The following SGCZ variants were observed in gnomAD, a reference collection of about 807,000 sequenced individuals.
SGCZ encodes the protein sarcoglycan zeta, also known as zeta-sarcoglycan.
SGCZ carries 40 observed loss-of-function variants against 41.3 expected under a neutral mutation model. The observed-to-expected ratio is 0.97, with a 90% CI of 0.75 to 1.26. SGCZ has a LOEUF of 1.26. SGCZ is among the 50% of genes most tolerant of loss of function. The pLI is 0.00. For missense variants in SGCZ, 552 were observed against 369.8 expected, an observed-to-expected ratio of 1.49 and a Z score of -4.04; for synonymous variants, 206 against 137.5, an observed-to-expected ratio of 1.50 and a Z score of -3.49.
At chr8:15,179,523 A>G (rs1800101118) in intron 1 of SGCZ, among the ~76,000 whole-genome samples, 1 of 152,222 alleles carries the variant, frequency 6.6e-6, no homozygotes. Context: ...AACCAAAAAT[A>G]ACAAGTAATT....
intron 1 of SGCZ, among the ~76,000 whole-genome samples, chr8:14,949,987 A>C (rs1024074125): frequency 1.3e-5 from 2 of 152,136 alleles, no homozygotes; most frequent in Non-Finnish European, 2.9e-5. Flanking sequence ...TAATAAAAAC[A>C]CCAGGTCATT....
At chr8:14,898,138 A>G (rs1805269036) in intron 1 of SGCZ, among the ~76,000 whole-genome samples, 1 of 151,420 alleles carries the variant, frequency 6.6e-6, no homozygotes, top group African/African-American at 2.4e-5. Flanking sequence ...TTTTGCAGAG[A>G]CAGGTCTCAT....
intron 1 of SGCZ, among the ~76,000 whole-genome samples, chr8:15,189,336 C>A (rs113941451): frequency 5.3e-5 from 8 of 152,128 alleles, no homozygotes; most frequent in African/African-American, 1.7e-4. Context: ...TGTACAAAAG[C>A]AAACATACGT....
rs548771296 is a variant in SGCZ at position 14,128,128 on chromosome 8, C to G, written c.548-19893G>C. ...TTGTGGAGAAAAAAATGCTTATACA[C>G]TGCTGGTGGGAGTGTAAACTATTTC... On this transcript the variant is annotated intron_variant, in intron 5 of 7. Coordinates refer to ENST00000382080, the MANE Select transcript of SGCZ (RefSeq NM_139167.4). 6.6e-5 allele frequency among the ~76,000 whole-genome samples: 10 copies of G among 152,256 alleles called. No individual in the cohort carries two copies. The South Asian group carries it at 2.1e-3, about 32-fold the overall frequency.
rs1799306217 is a variant in SGCZ at position 14,912,532 on chromosome 8, G to A, written c.39+325053C>T. ...TAAAGAAATTGTGTACATCAAATTAGGACAACATAAGATGGAATATAGTAG... is the reference window on the plus strand; with the variant it reads ...TAAAGAAATTGTGTACATCAAATTAAGACAACATAAGATGGAATATAGTAG... On this transcript the variant is annotated intron_variant, in intron 1 of 7. Coordinates refer to ENST00000382080, the MANE Select transcript of SGCZ (RefSeq NM_139167.4). 2.0e-5 allele frequency among the ~76,000 whole-genome samples: 3 copies of A among 152,040 alleles called. No homozygotes were observed. The South Asian group carries it at 6.2e-4, about 32-fold the overall frequency.
At chr8:14,710,388 A>C (rs1273937890) in intron 1 of SGCZ, among the ~76,000 whole-genome samples, 10 of 151,312 alleles carry the variant, frequency 6.6e-5, no homozygotes, top group Admixed American at 6.6e-4. Context: ...AAAAAAAAAA[A>C]AAAGAATAAA....
intron 1 of SGCZ, among the ~76,000 whole-genome samples, chr8:15,053,724 T>C (rs920181099): frequency 1.4e-4 from 22 of 152,208 alleles, no homozygotes; most frequent in African/African-American, 5.3e-4. Context: ...ACAGATGCTG[T>C]GCTGACACAT....
At chr8:14,361,158 A>G (rs1277280531) in intron 2 of SGCZ, among the ~76,000 whole-genome samples, 1 of 152,162 alleles carries the variant, frequency 6.6e-6, no homozygotes, top group African/African-American at 2.4e-5. Flanking sequence ...TGAGTTTTGA[A>G]CATTCTTTAC....
intron 1 of SGCZ, among the ~76,000 whole-genome samples, chr8:15,199,772 C>G (rs1359687915): frequency 6.6e-6 from 1 of 152,022 alleles, no homozygotes; most frequent in Non-Finnish European, 1.5e-5. Context: ...GAAAAATAAG[C>G]CTCAATTAAA....
chr8:15,197,804 C>A lies in SGCZ; in HGVS notation c.39+39781G>T, dbSNP rs147045847. 3.6e-4 allele frequency among the ~76,000 whole-genome samples: 54 copies of A among 151,880 alleles called. 1 individual carries two copies. The highest frequency in any genetic ancestry group is 1.3e-3 in the African/African-American group (53 of 41,434). On this transcript the variant is annotated intron_variant, in intron 1 of 7. Transcript: ENST00000382080. The stretch of plus-strand genomic sequence containing the variant: ...TTATACTGCAGTTACACTTATTTGC[C>A]AATTGTTATTTCACCTTATCCTTTA...
At chr8:15,094,473 A>C (rs1324791498) in intron 1 of SGCZ, among the ~76,000 whole-genome samples, 1 of 152,184 alleles carries the variant, frequency 6.6e-6, no homozygotes. Flanking sequence ...GTCTGAGGAC[A>C]CATATGAGCC....
intron 1 of SGCZ, among the ~76,000 whole-genome samples, chr8:15,116,327 A>C (rs1426544530): frequency 6.6e-6 from 1 of 152,220 alleles, no homozygotes; most frequent in East Asian, 1.9e-4. Flanking sequence ...GTTATTATGA[A>C]CTTTCTGCCT....
intron 1 of SGCZ, among the ~76,000 whole-genome samples, chr8:14,976,466 T>C (rs917123763): frequency 6.6e-6 from 1 of 152,146 alleles, no homozygotes; most frequent in African/African-American, 2.4e-5. Context: ...ACCATTCCAA[T>C]TTTTTTATTT....
chr8:14,984,900 G>T (rs528004688), intron 1 of SGCZ, among the ~76,000 whole-genome samples: 2 of 150,394 alleles, frequency 1.3e-5, no homozygotes. Context: ...TGATATTCTG[G>T]AGTACTTGTG....
chr8:14,218,648 C>T (rs1162973481), intron 4 of SGCZ, among the ~76,000 whole-genome samples: 2 of 152,136 alleles, frequency 1.3e-5, no homozygotes, highest in Admixed American at 1.3e-4. Flanking sequence ...TTGCTAATGA[C>T]TTGTTACTTG....
chr8:14,502,249 C>T (rs1420894792), intron 2 of SGCZ, among the ~76,000 whole-genome samples: 1 of 151,976 alleles, frequency 6.6e-6, no homozygotes, highest in Non-Finnish European at 1.5e-5. Context: ...GATTTTTATT[C>T]CATTTTACTT....
At chr8:14,309,201 G>T (rs1240324294) in intron 3 of SGCZ, 1 of 1,487,394 alleles carries the variant, frequency 6.7e-7, no homozygotes, top group African/African-American at 1.4e-5. Context: ...AACCTGCTGC[G>T]GCTGATCTCT....
chr8:14,928,387 A>G (rs17120614), intron 1 of SGCZ, among the ~76,000 whole-genome samples: 6,760 of 152,246 alleles, frequency 0.044, 480 homozygotes, highest in African/African-American at 0.15. Context: ...CTTACATTCT[A>G]CAGAGTTCTA....
In SGCZ at chr8:14,408,948, A is replaced by AGTGTGTGTGTGTGT. The variant is rs775874986; in HGVS notation, c.235-84745_235-84744insACACACACACACAC. Among the ~76,000 whole-genome samples, 457 of 112,182 alleles carry AGTGTGTGTGTGTGT rather than the reference A, an allele frequency of 4.1e-3. 4 individuals carry two copies. The highest frequency in any genetic ancestry group is 0.013 in the African/African-American group (438 of 32,598). The allele number at this position is 112,182 out of a possible 152,430, so 73.6% of individuals were successfully genotyped here. A position where few individuals can be genotyped will look rare whatever the true frequency, so the allele number is the denominator to read the frequency against. On this transcript the variant is annotated intron_variant, in intron 2 of 7. Transcript: ENST00000382080. ...TAAAAGCTAACACATTTTTAAATTAAGAGAGTGTGTGTGTGTGTGTGTGCA... is the reference window on the plus strand; with the variant it reads ...TAAAAGCTAACACATTTTTAAATTAAGTGTGTGTGTGTGTGAGAGTGTGTGTGTGTGTGTGTGCA...
Sources: gnomAD v4.1 joint callset for allele counts (sites outside exome capture counted in the v4.1 genomes callset) on GRCh38, gnomAD v4.1.1 for gene constraint, MANE v1.5 for transcripts, NCBI Gene and HGNC (gene_info 2026-07-23, HGNC 2026-07-21) for gene names.